Variants in GALK2 observed in about 807,000 individuals in gnomAD.
GALK2 encodes the protein galactokinase 2.
GALK2 carries 36 observed loss-of-function variants against 52.4 expected under a neutral mutation model. The ratio of observed to expected loss-of-function variants is 0.69; its 90% CI spans 0.53 to 0.91. The LOEUF (loss-of-function observed/expected upper bound fraction) is 0.91. Ranked by LOEUF, GALK2 falls within the 40% of genes least tolerant of loss-of-function variation. The probability of loss-of-function intolerance (pLI) is 0.00; values close to 1 mark genes in which losing one functional copy is unlikely to be tolerated. For synonymous variants in GALK2, 176 were observed against 199.1 expected (o/e 0.88, Z 0.98); for missense variants, 579 against 559.1 (o/e 1.04, Z -0.36).
intron 8 of GALK2, among the ~76,000 whole-genome samples, chr15:49,299,750 T>TCTTTC (rs2034873607): frequency 6.6e-5 from 9 of 135,518 alleles, no homozygotes; most frequent in African/African-American, 2.6e-4. Flanking sequence ...TTTCTTTCTT[T>TCTTTC]CTTTCTTTCT....
At chr15:49,332,099 A>C (rs1366586924), downstream of GALK2, among the ~76,000 whole-genome samples, 42 of 143,418 alleles carry the variant, frequency 2.9e-4, no homozygotes, top group Non-Finnish European at 5.4e-4. Context: ...ACACACACAC[A>C]CACACACACA....
chr15:49,192,475 A>ATATATATATG (rs1335041910), intron 1 of GALK2, among the ~76,000 whole-genome samples: 8,084 of 101,212 alleles, frequency 0.08, 527 homozygotes, highest in Non-Finnish European at 0.11. Context: ...AATGAATATT[A>ATATATATATG]TATATATATG....
chr15:49,266,297 T>G (rs2092357377), intron 5 of GALK2, among the ~76,000 whole-genome samples: 1 of 152,044 alleles, frequency 6.6e-6, no homozygotes, highest in Non-Finnish European at 1.5e-5. Context: ...CAAAGCAAGT[T>G]TTATCCCAGA....
rs2038665469 is a variant in GALK2, at chr15:49,331,198, G to A, written c.*3039G>A. ...TCTATCCCTGACCTCCAATTGTCCA[G>A]CATTCAGACATATTGTACACTAGTC... On this transcript the variant is annotated 3_prime_UTR_variant, in exon 10 of 10. Transcript: ENST00000560031. The A allele has an allele frequency of 2.6e-5, 4 of 152,272 alleles. No individual in the cohort carries two copies. Among genetic ancestry groups the A allele is most frequent in the Admixed American group, 2.6e-4 (4 of 15,286 alleles). 9.4% of individuals were successfully genotyped at this position (152,272 alleles called of 1,614,324 possible).
At chr15:49,187,207 T>C (rs2086418062) in intron 1 of GALK2, among the ~76,000 whole-genome samples, 1 of 152,214 alleles carries the variant, frequency 6.6e-6, no homozygotes, top group Non-Finnish European at 1.5e-5. Context: ...GGTACTGCCT[T>C]GGTGGTGTTG....
chr15:49,329,667 G>T lies in GALK2; in HGVS notation c.*1508G>T. The stretch of plus-strand genomic sequence containing the variant: ...AAAGCTTGAGTCAAATTTGTTAAAA[G>T]AATTTTGAGTTCTATAAATCCAAAA... On this transcript the variant is annotated 3_prime_UTR_variant, in exon 10 of 10. Transcript: ENST00000560031. 1.0e-6 allele frequency: 1 copy of T among 983,498 alleles called. No homozygotes were observed. The highest frequency in any genetic ancestry group is 1.2e-6 in the Non-Finnish European group (1 of 828,258). 60.9% of individuals were successfully genotyped at this position (983,498 alleles called of 1,614,324 possible).
intron 1 of GALK2, among the ~76,000 whole-genome samples, chr15:49,181,549 G>T (rs1012459340): frequency 2.8e-5 from 4 of 144,788 alleles, no homozygotes; most frequent in African/African-American, 1.0e-4. Flanking sequence ...TGTTGCCCAG[G>T]CTGGAGTGCA....
At chr15:49,252,845 CT>C (rs1370421345) in intron 5 of GALK2, among the ~76,000 whole-genome samples, 1 of 144,618 alleles carries the variant, frequency 6.9e-6, no homozygotes, top group Non-Finnish European at 1.6e-5. Context: ...TCTTTTAAAT[CT>C]TTCCTAATCT....
At chr15:49,224,503 A>G (rs1000704070) in intron 3 of GALK2, among the ~76,000 whole-genome samples, 1 of 152,222 alleles carries the variant, frequency 6.6e-6, no homozygotes, top group Non-Finnish European at 1.5e-5. Context: ...AAATTTTTAT[A>G]TATGCTGAAA....
chr15:49,262,268 G>A (rs1273344323), intron 5 of GALK2, among the ~76,000 whole-genome samples: 9 of 152,166 alleles, frequency 5.9e-5, no homozygotes. Flanking sequence ...TCTTTTCAGA[G>A]ATTCAACTTC....
chr15:49,208,401 A>AT (rs984943862), intron 2 of GALK2, among the ~76,000 whole-genome samples: 2 of 152,106 alleles, frequency 1.3e-5, no homozygotes, highest in African/African-American at 4.8e-5. Context: ...TCTGGATCTC[A>AT]TTTTTGACTC....
intron 1 of GALK2, among the ~76,000 whole-genome samples, chr15:49,196,918 T>C (rs946639139): frequency 6.6e-6 from 1 of 152,178 alleles, no homozygotes; most frequent in East Asian, 1.9e-4. Flanking sequence ...AGTGAGACTA[T>C]GCCTCTACAA....
At chr15:49,212,285 G>T (rs1595688333) in intron 2 of GALK2, among the ~76,000 whole-genome samples, 2 of 152,032 alleles carry the variant, frequency 1.3e-5, no homozygotes, top group South Asian at 2.1e-4. Context: ...TAGAGATGGG[G>T]TTTCACCCTG....
chr15:49,202,314 T>C (rs556698060), intron 2 of GALK2, among the ~76,000 whole-genome samples: 2 of 152,302 alleles, frequency 1.3e-5, no homozygotes, highest in East Asian at 3.9e-4. Flanking sequence ...CTCTTGTGTC[T>C]GTTAACTGAC....
At chr15:49,356,059 C>A (rs1050926828) in intron 3 of GALK2, among the ~76,000 whole-genome samples, 1 of 149,162 alleles carries the variant, frequency 6.7e-6, no homozygotes, top group Admixed American at 6.6e-5. Context: ...TTCTCACCAA[C>A]AGGCCTGCCT....
Position 49,255,095 on chromosome 15 carries a change from C to G in GALK2, c.504+15728C>G, listed in dbSNP as rs555657852. On this transcript the variant is annotated intron_variant, in intron 5 of 9. Transcript: ENST00000560031. Reference sequence around the variant, plus strand: ...GCAAGGCATTCTTTAATATGCCACACTATATCATTGGAACATTTAACATTG... The same window carrying G: ...GCAAGGCATTCTTTAATATGCCACAGTATATCATTGGAACATTTAACATTG... 9.1e-4 allele frequency among the ~76,000 whole-genome samples: 131 copies of G among 143,582 alleles called. 13 individuals carry two copies. The highest frequency in any genetic ancestry group is 3.3e-3 in the African/African-American group (131 of 40,292). The allele number at this position is 143,582 out of a possible 152,430, so 94.2% of individuals were successfully genotyped here.
intron 3 of GALK2, among the ~76,000 whole-genome samples, chr15:49,349,612 G>A (rs949186261): frequency 2.6e-5 from 4 of 152,036 alleles, no homozygotes; most frequent in Non-Finnish European, 4.4e-5. Flanking sequence ...GGTTATTTTA[G>A]GTATTTGATA....
Position 49,201,053 on chromosome 15 carries a change from AGTGTGT to A in GALK2, c.54-80_54-75del, listed in dbSNP as rs10629223. ...ATAATTAATGGTGGCAGGCATATGGAGTGTGTGTGTGTGTGTGTGTGTGTGTGTGTG... is the reference window on the plus strand; with the variant it reads ...ATAATTAATGGTGGCAGGCATATGGAGTGTGTGTGTGTGTGTGTGTGTGTG... On this transcript the variant is annotated intron_variant, in intron 1 of 9. Coordinates refer to ENST00000560031, the MANE Select transcript of GALK2 (RefSeq NM_002044.4). The A allele has an allele frequency of 5.3e-3, 2,131 of 400,214 alleles. 2 individuals carry two copies. The highest frequency in any genetic ancestry group is 9.0e-3 in the Middle Eastern group (13 of 1,446). The allele number at this position is 400,214 out of a possible 1,614,324, so 24.8% of individuals were successfully genotyped here. A position where few individuals can be genotyped will look rare whatever the true frequency, so the allele number is the denominator to read the frequency against.
At chr15:49,208,252 G>C (rs1327399864) in intron 2 of GALK2, among the ~76,000 whole-genome samples, 1 of 152,144 alleles carries the variant, frequency 6.6e-6, no homozygotes. Context: ...TAGATTGTCT[G>C]TTTGTGCTCT....
Sources: gnomAD v4.1 joint callset for allele counts (sites outside exome capture counted in the v4.1 genomes callset) on GRCh38, gnomAD v4.1.1 for gene constraint, MANE v1.5 for transcripts, NCBI Gene and HGNC (gene_info 2026-07-23, HGNC 2026-07-21) for gene names.